Variants in CALCR observed in about 807,000 individuals in gnomAD.
CALCR encodes calcitonin receptor.
CALCR carries 47 observed loss-of-function variants against 59.5 expected under a neutral mutation model. That is an observed-to-expected ratio of 0.79 (90% CI 0.63 to 1.01). The LOEUF (loss-of-function observed/expected upper bound fraction) is 1.01. CALCR is among the 50% of genes least tolerant of loss of function. The pLI is 0.00. For missense variants in CALCR, 566 were observed against 597.1 expected, an observed-to-expected ratio of 0.95 and a Z score of 0.54; for synonymous variants, 213 against 211.3, an observed-to-expected ratio of 1.01 and a Z score of -0.07.
At chr7:93,439,661 T>C (rs114627374) in intron 9 of CALCR, among the ~76,000 whole-genome samples, 4,074 of 152,118 alleles carry the variant, frequency 0.027, 160 homozygotes, top group African/African-American at 0.087. Flanking sequence ...CAACCCATTC[T>C]TCCCACCAAA....
At chr7:93,531,032 G>A (rs1010592005) in intron 2 of CALCR, among the ~76,000 whole-genome samples, 2 of 152,014 alleles carry the variant, frequency 1.3e-5, no homozygotes, top group African/African-American at 4.8e-5. Flanking sequence ...GAGAATCTTT[G>A]CTATAAGTTA....
At chr7:93,460,599 A>ATGTG (rs1800311743) in intron 8 of CALCR, among the ~76,000 whole-genome samples, 9 of 136,090 alleles carry the variant, frequency 6.6e-5, no homozygotes, top group African/African-American at 2.0e-4. Flanking sequence ...ATATGTATAT[A>ATGTG]TATATATATA....
chr7:93,492,241 G>C (rs759849555), intron 2 of CALCR, among the ~76,000 whole-genome samples: 12 of 151,412 alleles, frequency 7.9e-5, no homozygotes, highest in Admixed American at 3.3e-4. Flanking sequence ...ACCAAGGCCT[G>C]TTGGTGGGAG....
At position 93,538,271 on chromosome 7, in the gene CALCR, C is replaced by T. The variant is rs905060405; in HGVS notation, c.-27+36018G>A. 6.2e-4 allele frequency among the ~76,000 whole-genome samples: 94 copies of T among 152,066 alleles called. 1 individual carries two copies. The highest frequency in any genetic ancestry group is 1.9e-4 in the East Asian group (1 of 5,176). ...GATAGGCCTGGATAACATATCTTTT[C>T]GTGTGTCTGACTTCCTGGATAGATG... On this transcript the variant is annotated intron_variant, in intron 2 of 13. Transcript: ENST00000426151.
At chr7:93,462,141 G>T in intron 7 of CALCR, 2 of 1,246,632 alleles carry the variant, frequency 1.6e-6, no homozygotes, top group Non-Finnish European at 2.2e-6. Flanking sequence ...AGTAATAAAG[G>T]CAGCTGTTAG....
chr7:93,527,864 T>C (rs1788711182), intron 2 of CALCR, among the ~76,000 whole-genome samples: 1 of 152,168 alleles, frequency 6.6e-6, no homozygotes, highest in African/African-American at 2.4e-5. Context: ...GTTAAAATGA[T>C]TAAAGCCATA....
chr7:93,519,648 G>A (rs186169877), intron 2 of CALCR, among the ~76,000 whole-genome samples: 6 of 152,036 alleles, frequency 3.9e-5, no homozygotes, highest in Admixed American at 3.9e-4. Flanking sequence ...CTGTGATATG[G>A]TTAGGCTCTG....
intron 2 of CALCR, among the ~76,000 whole-genome samples, chr7:93,568,946 T>G (rs6943127): frequency 0.3 from 44,924 of 152,084 alleles, 8,057 homozygotes; most frequent in Non-Finnish European, 0.4. Context: ...CCCGACTTGG[T>G]GAATGACATC....
At chr7:93,500,404 T>G (rs1038313248) in intron 2 of CALCR, among the ~76,000 whole-genome samples, 11 of 151,966 alleles carry the variant, frequency 7.2e-5, no homozygotes, top group Admixed American at 5.3e-4. Flanking sequence ...GAAAAGGACA[T>G]CTGGGGTGTT....
intron 2 of CALCR, among the ~76,000 whole-genome samples, chr7:93,488,551 G>T (rs10261163): frequency 0.031 from 2,859 of 91,980 alleles, 98 homozygotes; most frequent in African/African-American, 0.11. Context: ...AAAACAAAGG[G>T]ATGGAGGAAA....
intron 8 of CALCR, among the ~76,000 whole-genome samples, chr7:93,448,062 C>A (rs1562977446): frequency 6.6e-6 from 1 of 151,966 alleles, no homozygotes; most frequent in Non-Finnish European, 1.5e-5. Context: ...AAAGAGAAGA[C>A]CCAGGGAAGT....
chr7:93,497,181 G>C (rs2115984168), intron 2 of CALCR, among the ~76,000 whole-genome samples: 1 of 151,540 alleles, frequency 6.6e-6, no homozygotes, highest in South Asian at 2.1e-4. Flanking sequence ...TCAGATGATA[G>C]GGGAAACAGA....
intron 2 of CALCR, among the ~76,000 whole-genome samples, chr7:93,537,745 C>CATAT (rs537651812): frequency 5.3e-5 from 8 of 151,396 alleles, no homozygotes; most frequent in East Asian, 1.9e-4. Context: ...TACATACATA[C>CATAT]ATATATATAT....
intron 8 of CALCR, among the ~76,000 whole-genome samples, chr7:93,452,413 A>T (rs1363720740): frequency 6.6e-6 from 1 of 152,006 alleles, no homozygotes; most frequent in East Asian, 1.9e-4. Context: ...AGGGACAAAA[A>T]GACCCTCGGC....
At chr7:93,434,185 G>C (rs1267074605) in intron 13 of CALCR, 68 bp downstream of exon 13, 3 of 1,053,712 alleles carry the variant, frequency 2.8e-6, no homozygotes, top group Non-Finnish European at 3.0e-6. Flanking sequence ...AATTTGTACA[G>C]AGGCCCTTTG....
chr7:93,550,639 A>ACACACACACACACACG (rs1408663293), intron 2 of CALCR, among the ~76,000 whole-genome samples: 1 of 148,112 alleles, frequency 6.8e-6, no homozygotes, highest in Non-Finnish European at 1.5e-5. Flanking sequence ...ACACACACAC[A>ACACACACACACACACG]CGAGAGACAG....
intron 11 of CALCR, among the ~76,000 whole-genome samples, chr7:93,437,075 A>G (rs923392696): frequency 3.9e-5 from 6 of 152,022 alleles, no homozygotes; most frequent in Admixed American, 6.6e-5. Flanking sequence ...TTTAGTCATG[A>G]AATTAATAAG....
chr7:93,517,957 G>A (rs1801682421), intron 2 of CALCR, among the ~76,000 whole-genome samples: 1 of 151,834 alleles, frequency 6.6e-6, no homozygotes, highest in South Asian at 2.1e-4. Flanking sequence ...TTTAATAAAT[G>A]GCACTGGAAC....
intron 2 of CALCR, among the ~76,000 whole-genome samples, chr7:93,508,969 C>A (rs1322009301): frequency 1.3e-5 from 2 of 152,052 alleles, no homozygotes; most frequent in Admixed American, 6.6e-5. Flanking sequence ...TTCCTACTCC[C>A]GCACTAAAAC....
Sources: gnomAD v4.1 joint callset for allele counts (sites outside exome capture counted in the v4.1 genomes callset) on GRCh38, gnomAD v4.1.1 for gene constraint, MANE v1.5 for transcripts, NCBI Gene and HGNC (gene_info 2026-07-23, HGNC 2026-07-21) for gene names.